Variants in RHBDL3 observed in about 807,000 individuals in gnomAD.
RHBDL3 encodes the protein rhomboid-related protein 3.
Under a neutral mutation model 48.2 loss-of-function variants are expected in RHBDL3, and 28 were observed. The ratio of observed to expected loss-of-function variants is 0.58; its 90% confidence interval spans 0.43 to 0.80. The LOEUF (loss-of-function observed/expected upper bound fraction) is 0.80. Ranked by LOEUF, RHBDL3 falls within the 30% of genes least tolerant of loss-of-function variation. The pLI is 0.00. For missense variants in RHBDL3, 464 were observed against 542.7 expected, an observed-to-expected ratio of 0.85 and a Z score of 1.44; for synonymous variants, 208 against 232.3, an observed-to-expected ratio of 0.90 and a Z score of 0.95.
At chr17:32,281,432 C>G (rs950869457) in intron 2 of RHBDL3, among the ~76,000 whole-genome samples, 2 of 152,026 alleles carry the variant, frequency 1.3e-5, no homozygotes, top group Non-Finnish European at 2.9e-5. Context: ...GCTCCCTTCT[C>G]TAGGCCGAGG....
intron 2 of RHBDL3, among the ~76,000 whole-genome samples, chr17:32,271,043 T>C (rs979576729): frequency 6.6e-6 from 1 of 152,064 alleles, no homozygotes; most frequent in African/African-American, 2.4e-5. Context: ...TTTTTAAAAG[T>C]TTAAAAAAAA....
intron 2 of RHBDL3, among the ~76,000 whole-genome samples, chr17:32,276,562 G>A (rs1376354497): frequency 3.3e-5 from 5 of 152,060 alleles, no homozygotes; most frequent in Non-Finnish European, 7.4e-5. Flanking sequence ...CTCAGAAGAC[G>A]AGTAATGAGG....
intron 3 of RHBDL3, among the ~76,000 whole-genome samples, chr17:32,287,234 A>G (rs549525254): frequency 1.3e-5 from 2 of 152,264 alleles, no homozygotes; most frequent in East Asian, 3.9e-4. Context: ...CTGCTGAGCC[A>G]GCTCCCACCA....
chr17:32,267,655 G>GGGGCCCCCCCCC, intron 1 of RHBDL3: 1 of 306,120 alleles, frequency 3.3e-6, no homozygotes, highest in Non-Finnish European at 5.7e-6. Context: ...CACCCACCTT[G>GGGGCCCCCCCCC]CCGCCCCCGC....
chr17:32,268,547 A>G (rs1014488830), intron 2 of RHBDL3, among the ~76,000 whole-genome samples: 2 of 152,202 alleles, frequency 1.3e-5, no homozygotes, highest in African/African-American at 4.8e-5. Context: ...TTTGACCTTC[A>G]GCAAGGAAAT....
chr17:32,299,189 G>A (rs2040526241), intron 6 of RHBDL3, among the ~76,000 whole-genome samples: 1 of 152,144 alleles, frequency 6.6e-6, no homozygotes. Context: ...GAGCCGGGCA[G>A]CGTCAGCCTT....
At chr17:32,285,705 G>A (rs547494463) in intron 3 of RHBDL3, among the ~76,000 whole-genome samples, 2 of 152,192 alleles carry the variant, frequency 1.3e-5, no homozygotes, top group Non-Finnish European at 2.9e-5. Flanking sequence ...GTTTTTGCTG[G>A]GTTTTCCTAT....
chr17:32,305,426 G>T lies in RHBDL3; in HGVS notation c.867G>T (p.Leu289=). ...TGTATGCTCTCGTCTCTGCCCATCTGGCCAACATTGTCATGGTGAGCACCT... is the reference window on the plus strand; with the variant it reads ...TGTATGCTCTCGTCTCTGCCCATCTTGCCAACATTGTCATGGTGAGCACCT... ...GGVYALVSAH[L]ANIVMNWSGM... is the part of the protein sequence containing the mutation. The change falls in exon 7 of 9, where the codon CTG becomes CTT. Residue 289 remains leucine (L), a synonymous_variant. Coordinates refer to ENST00000269051, the MANE Select transcript of RHBDL3 (RefSeq NM_138328.3). 1 of 1,610,788 alleles carries T rather than the reference G, an allele frequency of 6.2e-7. No homozygotes were observed. The highest frequency in any genetic ancestry group is 8.5e-7 in the Non-Finnish European group (1 of 1,177,062).
chr17:32,310,395 T>C (rs1260900957), intron 7 of RHBDL3, among the ~76,000 whole-genome samples: 1 of 151,748 alleles, frequency 6.6e-6, no homozygotes, highest in Non-Finnish European at 1.5e-5. Flanking sequence ...TCCTGGCTAA[T>C]ACGTGAAACC....
In RHBDL3 at chr17:32,320,116, T is replaced by A. The variant is rs554043480; in HGVS notation, c.944-842T>A. The stretch of plus-strand genomic sequence containing the variant: ...GACCTCATCTCTACAAAAAAAAAAA[T>A]TTTTTTTTTAATTACCCAGATGTGG... On this transcript the variant is annotated intron_variant, in intron 8 of 8. Transcript: ENST00000269051. 4.5e-3 allele frequency among the ~76,000 whole-genome samples: 659 copies of A among 147,866 alleles called. 1 individual carries two copies. Among genetic ancestry groups the A allele is most frequent in the Non-Finnish European group, 5.4e-3 (361 of 66,584 alleles).
chr17:32,269,483 C>T (rs4795686), intron 2 of RHBDL3, among the ~76,000 whole-genome samples: 50,421 of 152,108 alleles, frequency 0.33, 8,989 homozygotes, highest in African/African-American at 0.47. Context: ...GGAATTGCAG[C>T]GCGAAAGGCC....
chr17:32,305,193 T>A (rs1395729411), intron 6 of RHBDL3, 148 bp from the exon 7 acceptor site: 14 of 632,118 alleles, frequency 2.2e-5, no homozygotes, highest in Non-Finnish European at 4.0e-5. Context: ...GAGGGGAATC[T>A]CCCTGGCAAC....
chr17:32,293,654 C>G (rs2040384729), intron 4 of RHBDL3, among the ~76,000 whole-genome samples: 1 of 151,724 alleles, frequency 6.6e-6, no homozygotes, highest in African/African-American at 2.4e-5. Flanking sequence ...TTTAAGAAAT[C>G]AAGCTATGTG....
chr17:32,297,014 C>T lies in RHBDL3; in HGVS notation c.669-1078C>T, dbSNP rs906735384. On this transcript the variant is annotated intron_variant, in intron 5 of 8. Coordinates refer to ENST00000269051, the MANE Select transcript of RHBDL3 (RefSeq NM_138328.3). ...GGAGTACAGGCACCTGCCACCATGC[C>T]TAATTTTCATATTTTTAGTAAAGAC... Among the ~76,000 whole-genome samples the T allele has an allele frequency of 5.3e-5, 8 of 151,616 alleles. No individual in the cohort carries two copies. The South Asian group carries it at 1.7e-3, about 31-fold the overall frequency.
intron 6 of RHBDL3, among the ~76,000 whole-genome samples, chr17:32,302,551 A>AT (rs35980086): frequency 3.9e-4 from 16 of 41,556 alleles, no homozygotes; most frequent in South Asian, 1.4e-3. Context: ...ATATATATAT[A>AT]TTTTTTTTTA....
chr17:32,296,904 C>T (rs923568464), intron 5 of RHBDL3, among the ~76,000 whole-genome samples: 4 of 152,000 alleles, frequency 2.6e-5, no homozygotes, highest in African/African-American at 9.6e-5. Context: ...ACCTCCACCT[C>T]CCAGGTTCAA....
At chr17:32,274,048 TGAATC>T (rs1283984781) in intron 2 of RHBDL3, among the ~76,000 whole-genome samples, 1 of 152,218 alleles carries the variant, frequency 6.6e-6, no homozygotes, top group African/African-American at 2.4e-5. Flanking sequence ...ACCTCGGTCT[TGAATC>T]GAAGTGTTCA....
chr17:32,268,183 T>C (rs546228080), intron 2 of RHBDL3, among the ~76,000 whole-genome samples: 2 of 152,226 alleles, frequency 1.3e-5, no homozygotes, highest in South Asian at 4.1e-4. Context: ...CATGTAGAAA[T>C]TGGACGTTAT....
intron 2 of RHBDL3, among the ~76,000 whole-genome samples, chr17:32,276,796 C>A (rs9747432): frequency 0.056 from 3,022 of 54,356 alleles, 78 homozygotes; most frequent in Non-Finnish European, 0.059. Context: ...GCCCTAGCAC[C>A]TTACTCCGGC....
Sources: allele counts gnomAD v4.1 joint callset (sites outside exome capture counted in the v4.1 genomes callset), GRCh38; gene constraint gnomAD v4.1.1; transcripts MANE v1.5; gene names NCBI Gene and HGNC (gene_info 2026-07-23, HGNC 2026-07-21).